Variants in COL25A1 observed in about 807,000 individuals in gnomAD.
The protein encoded by COL25A1 is collagen type XXV alpha 1 chain, also known as collagen alpha-1(XXV) chain.
In COL25A1, 103 loss-of-function variants were observed where a neutral mutation model predicts 128.4. The observed-to-expected ratio is 0.80, with a 90% CI of 0.68 to 0.94. COL25A1 has a LOEUF of 0.94. COL25A1 is among the 40% of genes least tolerant of loss of function. The pLI, the probability that COL25A1 is intolerant of heterozygous loss-of-function variation, is 0.00. For missense variants in COL25A1, 745 were observed against 840.0 expected, an observed-to-expected ratio of 0.89 and a Z score of 1.40; for synonymous variants, 279 against 277.2, an observed-to-expected ratio of 1.01 and a Z score of -0.06.
At chr4:109,156,250 T>C (rs1342885753) in intron 3 of COL25A1, among the ~76,000 whole-genome samples, 1 of 152,206 alleles carries the variant, frequency 6.6e-6, no homozygotes, top group African/African-American at 2.4e-5. Context: ...ACGTTGTCTT[T>C]TCTAGATAAA....
intron 3 of COL25A1, among the ~76,000 whole-genome samples, chr4:109,085,808 T>C (rs951967879): frequency 4.5e-4 from 68 of 152,206 alleles, no homozygotes; most frequent in Admixed American, 4.5e-3. Context: ...CCAAGAATAC[T>C]GCCTAGCCCA....
At chr4:108,994,716 C>T (rs560030663) in intron 6 of COL25A1, among the ~76,000 whole-genome samples, 2 of 152,086 alleles carry the variant, frequency 1.3e-5, no homozygotes, top group African/African-American at 2.4e-5. Context: ...CAGTAGGGGC[C>T]GACAGACACC....
Position 108,880,384 on chromosome 4 carries a change from C to A in COL25A1, c.1020+3794G>T, listed in dbSNP as rs1174879617. Among the ~76,000 whole-genome samples the A allele has an allele frequency of 2.6e-5, 4 of 152,320 alleles. No individual in the cohort carries two copies. In the South Asian group the frequency reaches 6.2e-4, roughly 24 times the overall value. ...GACTGCTCTTAAAGTAACATCCACT[C>A]ATCGCTGCAAAGGAGTTTTCAGAAT... is the stretch of plus-strand genomic sequence containing the variant. On this transcript the variant is annotated intron_variant, in intron 19 of 37. Transcript: ENST00000399132.
At chr4:109,193,970 G>A (rs1460440295) in intron 3 of COL25A1, among the ~76,000 whole-genome samples, 1 of 152,122 alleles carries the variant, frequency 6.6e-6, no homozygotes, top group Non-Finnish European at 1.5e-5. Flanking sequence ...AGGGATAAAG[G>A]TATTGATTGA....
chr4:109,002,121 T>C (rs773548454), intron 6 of COL25A1, among the ~76,000 whole-genome samples: 7 of 152,212 alleles, frequency 4.6e-5, no homozygotes, highest in Non-Finnish European at 8.8e-5. Context: ...GGATGTCAAT[T>C]AGTATAACCA....
intron 17 of COL25A1, among the ~76,000 whole-genome samples, chr4:108,889,459 C>G (rs1419225947): frequency 7.0e-6 from 1 of 142,316 alleles, no homozygotes; most frequent in East Asian, 2.0e-4. Context: ...AGCTATAGAT[C>G]ACATATAAAT....
chr4:109,089,172 G>A (rs970400728), intron 3 of COL25A1, among the ~76,000 whole-genome samples: 2 of 152,094 alleles, frequency 1.3e-5, no homozygotes, highest in Non-Finnish European at 2.9e-5. Context: ...CACATTGTGG[G>A]AAAAAATGAC....
intron 3 of COL25A1, among the ~76,000 whole-genome samples, chr4:109,298,612 C>T (rs1239939815): frequency 1.3e-5 from 2 of 152,182 alleles, no homozygotes; most frequent in Non-Finnish European, 2.9e-5. Context: ...TAAGACAACT[C>T]CTCACTGGCC....
intron 3 of COL25A1, among the ~76,000 whole-genome samples, chr4:109,154,930 A>G (rs1047619773): frequency 4.6e-5 from 7 of 152,168 alleles, no homozygotes; most frequent in African/African-American, 1.7e-4. Context: ...ATCTTTAGCT[A>G]TTATAGCAAG....
chr4:109,210,774 A>G (rs1777430383), intron 3 of COL25A1, among the ~76,000 whole-genome samples: 1 of 152,076 alleles, frequency 6.6e-6, no homozygotes, highest in Non-Finnish European at 1.5e-5. Flanking sequence ...TTCCTGGATA[A>G]AGCCTCCCAC....
chr4:109,087,395 C>A (rs143903176), intron 3 of COL25A1, among the ~76,000 whole-genome samples: 227 of 152,284 alleles, frequency 1.5e-3, no homozygotes, highest in African/African-American at 5.1e-3. Flanking sequence ...ACCCCGCCTG[C>A]GCCACACCTA....
At chr4:109,227,086 A>C (rs1179128899) in intron 3 of COL25A1, among the ~76,000 whole-genome samples, 1 of 152,192 alleles carries the variant, frequency 6.6e-6, no homozygotes, top group Non-Finnish European at 1.5e-5. Context: ...TCACCACTAC[A>C]TATGTAGTAA....
intron 24 of COL25A1, among the ~76,000 whole-genome samples, chr4:108,855,605 C>T (rs1329398450): frequency 4.6e-5 from 7 of 152,096 alleles, no homozygotes; most frequent in Admixed American, 1.3e-4. Context: ...GAACATAATG[C>T]TAGTTTGTAT....
intron 8 of COL25A1, among the ~76,000 whole-genome samples, chr4:108,956,814 T>A (rs544172540): frequency 6.6e-6 from 1 of 152,150 alleles, no homozygotes. Context: ...CTCCAGGAAA[T>A]GGGAAAGAGG....
rs184099072 is a variant in COL25A1, at chr4:108,860,300, C to A, written c.1243-567G>T. Among the ~76,000 whole-genome samples, 13 of 152,226 alleles carry A rather than the reference C, an allele frequency of 8.5e-5. No homozygotes were observed. The East Asian group carries it at 1.7e-3, about 20-fold the overall frequency. Reference sequence around the variant, plus strand: ...GGAGACAGAGTTTCACCATGTTGGGCAGGCTGGCTTTGAACTCCTGACCTC... The same window carrying A: ...GGAGACAGAGTTTCACCATGTTGGGAAGGCTGGCTTTGAACTCCTGACCTC... On this transcript the variant is annotated intron_variant, in intron 23 of 37. Coordinates refer to ENST00000399132, the MANE Select transcript of COL25A1 (RefSeq NM_198721.4).
rs1285810344 is a variant in COL25A1 at position 109,288,958 on chromosome 4, TATATACAC to T, written c.367+11617_367+11624del. Among the ~76,000 whole-genome samples, 16 of 69,680 alleles carry T rather than the reference TATATACAC, an allele frequency of 2.3e-4. No homozygotes were observed. In the East Asian group the frequency reaches 6.7e-3, roughly 29 times the overall value. The allele number at this position is 69,680 out of a possible 152,430, so 45.7% of individuals were successfully genotyped here. A position where few individuals can be genotyped will look rare whatever the true frequency, so the allele number is the denominator to read the frequency against. ...CATTACTACCAGGAATACTAAATTA[TATATACAC>T]ACACACACACACACACACACACACA... On this transcript the variant is annotated intron_variant, in intron 3 of 37. Coordinates refer to ENST00000399132, the MANE Select transcript of COL25A1 (RefSeq NM_198721.4).
chr4:109,242,740 C>T (rs1013476988), intron 3 of COL25A1, among the ~76,000 whole-genome samples: 1 of 151,896 alleles, frequency 6.6e-6, no homozygotes, highest in Admixed American at 6.6e-5. Context: ...TTGGGAAGTT[C>T]CTTATGCATA....
chr4:108,861,772 T>C (rs1025137739), intron 22 of COL25A1, among the ~76,000 whole-genome samples: 2 of 152,158 alleles, frequency 1.3e-5, no homozygotes, highest in African/African-American at 4.8e-5. Flanking sequence ...AGCCTTAAAT[T>C]GATAGGGTTC....
chr4:108,939,158 G>T (rs1450856885), intron 10 of COL25A1, among the ~76,000 whole-genome samples: 2 of 152,156 alleles, frequency 1.3e-5, no homozygotes, highest in Non-Finnish European at 2.9e-5. Flanking sequence ...CATCAAAATG[G>T]TTTTAACTAC....
Sources: gnomAD v4.1 joint callset for allele counts (sites outside exome capture counted in the v4.1 genomes callset) on GRCh38, gnomAD v4.1.1 for gene constraint, MANE v1.5 for transcripts, NCBI Gene and HGNC (gene_info 2026-07-23, HGNC 2026-07-21) for gene names.